Variants in INPP1 observed in about 807,000 individuals in gnomAD.
INPP1 encodes inositol polyphosphate 1-phosphatase.
Under a neutral mutation model 23.0 loss-of-function variants are expected in INPP1, and 18 were observed. The ratio of observed to expected loss-of-function variants is 0.78; its 90% CI spans 0.54 to 1.16. The LOEUF is 1.16. Among genes scored for constraint, INPP1 ranks in the 50% most tolerant of loss-of-function variants. The pLI is 0.00. For missense variants in INPP1, 448 were observed against 482.1 expected (o/e 0.93, Z 0.66); for synonymous variants, 164 against 176.3 (o/e 0.93, Z 0.55).
At chr2:190,348,562 C>A (rs1689267521) in intron 1 of INPP1, among the ~76,000 whole-genome samples, 1 of 152,202 alleles carries the variant, frequency 6.6e-6, no homozygotes, top group African/African-American at 2.4e-5. Flanking sequence ...CTCTTCCCAG[C>A]CCTAGTAACC....
chr2:190,363,988 G>A lies in INPP1; in HGVS notation c.265+1301G>A, dbSNP rs1453345489. Reference sequence around the variant, plus strand: ...CTCTCAGTGGGATGGGAGGTCTCTGGCAAATTTCAAGCAAAGGAGTGATAT... The same window carrying A: ...CTCTCAGTGGGATGGGAGGTCTCTGACAAATTTCAAGCAAAGGAGTGATAT... On this transcript the variant is annotated intron_variant, in intron 4 of 6. Coordinates refer to ENST00000392329, the MANE Select transcript of INPP1 (RefSeq NM_001128928.2). The surrounding 1 kb of genome is among the most constrained non-coding windows in gnomAD (Gnocchi z 4.4). Among the ~76,000 whole-genome samples the A allele has an allele frequency of 6.6e-6, 1 of 152,120 alleles. No homozygotes were observed. The highest frequency in any genetic ancestry group is 2.4e-5 in the African/African-American group (1 of 41,426).
Position 190,343,900 on chromosome 2 carries a change from G to A in INPP1, c.-270G>A. ...GCGCCTCCTCCTCCTCCTGCTCCCC[G>A]CCGCTTCCGTTTCTCGAGGGAAAGG... On this transcript the variant is annotated 5_prime_UTR_variant, in exon 1 of 7. Transcript: ENST00000392329. The A allele has an allele frequency of 1.1e-5, 2 of 174,392 alleles. No individual in the cohort carries two copies. Among genetic ancestry groups the A allele is most frequent in the Non-Finnish European group, 1.3e-5 (1 of 78,158 alleles). The allele number at this position is 174,392 out of a possible 1,614,324, so 10.8% of individuals were successfully genotyped here.
In INPP1 at chr2:190,354,182, C is replaced by T. The variant is rs571469508; in HGVS notation, c.-65+5151C>T. Among the ~76,000 whole-genome samples, 1 of 152,244 alleles carries T rather than the reference C, an allele frequency of 6.6e-6. No individual in the cohort carries two copies. Among genetic ancestry groups the T allele is most frequent in the Non-Finnish European group, 1.5e-5 (1 of 68,016 alleles). The stretch of plus-strand genomic sequence containing the variant: ...AATATTAATTACTTGGCTGTTAAAG[C>T]GAATAGCTTTTAGTGGGAACGACTG... On this transcript the variant is annotated intron_variant, in intron 2 of 6. Coordinates refer to ENST00000392329, the MANE Select transcript of INPP1 (RefSeq NM_001128928.2). The surrounding 1 kb of genome is among the most constrained non-coding windows in gnomAD (Gnocchi z 4.8).
In INPP1 at chr2:190,355,834, A is replaced by C. The variant is rs898109530; in HGVS notation, c.-64-4205A>C. On this transcript the variant is annotated intron_variant, in intron 2 of 6. Transcript: ENST00000392329. This position sits in a 1 kb window ranked among gnomAD's most constrained non-coding sequence, Gnocchi z 5.1. ...CACGCAGTTATCAAGCCTAGTACCC[A>C]TTAGTGATGAAAGAATCTGTACAAC... Among the ~76,000 whole-genome samples the C allele has an allele frequency of 1.3e-5, 2 of 152,198 alleles. No individual in the cohort carries two copies. The highest frequency in any genetic ancestry group is 2.9e-5 in the Non-Finnish European group (2 of 68,030).
chr2:190,366,173 G>GTC (rs201019304), intron 4 of INPP1, among the ~76,000 whole-genome samples: 91,385 of 139,230 alleles, frequency 0.66, 29,465 homozygotes, highest in East Asian at 0.77. Context: ...CTCGCTCTTT[G>GTC]TCTCTTGCTC....
At chr2:190,348,286 A>G (rs1689261998) in intron 1 of INPP1, among the ~76,000 whole-genome samples, 1 of 152,200 alleles carries the variant, frequency 6.6e-6, no homozygotes, top group Non-Finnish European at 1.5e-5. Context: ...AATATTTATT[A>G]TGCCCTTATT....
Position 190,371,365 on chromosome 2 carries a change from T to A in INPP1, c.1163T>A (p.Leu388Gln). 1 of 1,538,548 alleles carries A rather than the reference T, an allele frequency of 6.5e-7. No individual in the cohort carries two copies. The highest frequency in any genetic ancestry group is 1.3e-5 in the South Asian group (1 of 77,934). ...RKRLETFLSL[L>Q]VQNLAPAETH... is the part of the protein sequence containing the mutation. ...CGGCTGGAGACATTCCTGAGCCTCC[T>A]GGTCCAAAACCTGGCACCTGCAGAG... The change falls in exon 7 of 7, where the codon CTG becomes CAG. Residue 388 changes from leucine (L) to glutamine (Q), a missense_variant. Transcript: ENST00000392329. The surrounding 1 kb of genome is among the most constrained non-coding windows in gnomAD (Gnocchi z 5.3).
chr2:190,367,015 A>G lies in INPP1; in HGVS notation c.466+120A>G. ...TAGTTTAACTCTGCTAGAAGTTTTT[A>G]AAATTTTAAAGTTTTAAAACAATGA... On this transcript the variant is annotated intron_variant, in intron 5 of 6. Coordinates refer to ENST00000392329, the MANE Select transcript of INPP1 (RefSeq NM_001128928.2). The surrounding 1 kb of genome is among the most constrained non-coding windows in gnomAD (Gnocchi z 4.1). 1 of 654,816 alleles carries G rather than the reference A, an allele frequency of 1.5e-6. No individual in the cohort carries two copies. Among genetic ancestry groups the G allele is most frequent in the Admixed American group, 2.9e-5 (1 of 34,902 alleles). The allele number at this position is 654,816 out of a possible 1,614,324, so 40.6% of individuals were successfully genotyped here.
In INPP1 at chr2:190,357,306, A is replaced by G. The variant is rs1200280440; in HGVS notation, c.-64-2733A>G. Among the ~76,000 whole-genome samples, 3 of 152,232 alleles carry G rather than the reference A, an allele frequency of 2.0e-5. No individual in the cohort carries two copies. The East Asian group carries it at 5.8e-4, about 29-fold the overall frequency. Reference sequence around the variant, plus strand: ...TTAAAAATGTAATTTATTATTATAAAAGCACTGTATATTTCCTGTAGAGTA... The same window carrying G: ...TTAAAAATGTAATTTATTATTATAAGAGCACTGTATATTTCCTGTAGAGTA... On this transcript the variant is annotated intron_variant, in intron 2 of 6. Coordinates refer to ENST00000392329, the MANE Select transcript of INPP1 (RefSeq NM_001128928.2).
Position 190,346,136 on chromosome 2 carries a change from T to C in INPP1, c.-209+2175T>C, listed in dbSNP as rs76928748. Among the ~76,000 whole-genome samples, 6,980 of 152,248 alleles carry C rather than the reference T, an allele frequency of 0.046. 246 individuals carry two copies. Among genetic ancestry groups the C allele is most frequent in the African/African-American group, 0.057 (2,374 of 41,544 alleles). On this transcript the variant is annotated intron_variant, in intron 1 of 6. Transcript: ENST00000392329. This position sits in a 1 kb window ranked among gnomAD's most constrained non-coding sequence, Gnocchi z 5.1. ...GGCAAGTCGGGGAGTGGGTAGAGTATAATAGTGGTTTAAAAGATTCCCAGA... is the reference window on the plus strand; with the variant it reads ...GGCAAGTCGGGGAGTGGGTAGAGTACAATAGTGGTTTAAAAGATTCCCAGA...
At chr2:190,361,074 A>G (rs1689524622) in intron 3 of INPP1, among the ~76,000 whole-genome samples, 2 of 152,330 alleles carry the variant, frequency 1.3e-5, no homozygotes, top group East Asian at 1.9e-4. Context: ...CGTTAAATAT[A>G]TTAACTTATT....
chr2:190,360,512 G>C (rs2067406), intron 3 of INPP1, among the ~76,000 whole-genome samples: 64,415 of 151,898 alleles, frequency 0.42, 16,145 homozygotes, highest in African/African-American at 0.7. Context: ...TACAGAAAAT[G>C]AAATAAGAAA....
chr2:190,349,894 G>T (rs570780216), intron 2 of INPP1, among the ~76,000 whole-genome samples: 1 of 152,352 alleles, frequency 6.6e-6, no homozygotes, highest in East Asian at 1.9e-4. Flanking sequence ...ACCTAGGCTG[G>T]AGTGCAGTGG....
intron 2 of INPP1, among the ~76,000 whole-genome samples, chr2:190,359,069 G>GCCT (rs1454318671): frequency 3.9e-5 from 6 of 152,164 alleles, no homozygotes; most frequent in Non-Finnish European, 8.8e-5. Flanking sequence ...GGAGGCCGAG[G>GCCT]TAGGAGGATC....
In INPP1 at chr2:190,368,344, G is replaced by A. The variant is rs574489681; in HGVS notation, c.467-759G>A. Among the ~76,000 whole-genome samples, 23 of 152,226 alleles carry A rather than the reference G, an allele frequency of 1.5e-4. No homozygotes were observed. In the South Asian group the frequency reaches 4.1e-3, roughly 27 times the overall value. On this transcript the variant is annotated intron_variant, in intron 5 of 6. Coordinates refer to ENST00000392329, the MANE Select transcript of INPP1 (RefSeq NM_001128928.2). This position sits in a 1 kb window ranked among gnomAD's most constrained non-coding sequence, Gnocchi z 4.3. ...TCTGCCTCTGTTTCATAGGAGCTCC[G>A]TTAATTTCTTTTTTTGGTGCCACCA... is the stretch of plus-strand genomic sequence containing the variant.
intron 2 of INPP1, among the ~76,000 whole-genome samples, chr2:190,359,091 A>G (rs1689481593): frequency 6.6e-6 from 1 of 152,042 alleles, no homozygotes. Context: ...CTTGAGCGCA[A>G]GAGTTTGAGA....
chr2:190,343,631 G>C lies in INPP1; in HGVS notation c.-539G>C, dbSNP rs1376606387. 1 of 152,158 alleles carries C rather than the reference G, an allele frequency of 6.6e-6. No individual in the cohort carries two copies. Among genetic ancestry groups the C allele is most frequent in the Non-Finnish European group, 1.5e-5 (1 of 68,028 alleles). 9.4% of individuals were successfully genotyped at this position (152,158 alleles called of 1,614,324 possible). A position where few individuals can be genotyped will look rare whatever the true frequency, so the allele number is the denominator to read the frequency against. On this transcript the variant is annotated 5_prime_UTR_variant, in exon 1 of 7. Transcript: ENST00000392329. ...CGCCCGGCTCGGGCAGGCGTGGGGGGCCCGCGCGTCCCGGGAGCCCCGAGG... is the reference window on the plus strand; with the variant it reads ...CGCCCGGCTCGGGCAGGCGTGGGGGCCCCGCGCGTCCCGGGAGCCCCGAGG...
In INPP1 at chr2:190,363,113, T is replaced by C. The variant is rs62182026; in HGVS notation, c.265+426T>C. ...TGGACCTTGGCTAAAAGTACAGAGGTGGCCATGGTTCTGAAATACTGTGTG... is the reference window on the plus strand; with the variant it reads ...TGGACCTTGGCTAAAAGTACAGAGGCGGCCATGGTTCTGAAATACTGTGTG... On this transcript the variant is annotated intron_variant, in intron 4 of 6. Coordinates refer to ENST00000392329, the MANE Select transcript of INPP1 (RefSeq NM_001128928.2). This position sits in a 1 kb window ranked among gnomAD's most constrained non-coding sequence, Gnocchi z 4.4. The C allele has an allele frequency of 0.041, 6,283 of 154,058 alleles. 191 individuals carry two copies. Among genetic ancestry groups the C allele is most frequent in the Non-Finnish European group, 0.067 (4,677 of 69,390 alleles). 9.5% of individuals were successfully genotyped at this position (154,058 alleles called of 1,614,324 possible).
Position 190,360,259 on chromosome 2 carries a change from G to A in INPP1, c.157G>A (p.Ala53Thr). Residue 53 changes from alanine to threonine, a missense_variant, in exon 3 of 7, where the codon GCT becomes ACT. Transcript: ENST00000392329. Reference sequence around the variant, plus strand: ...GTTTGCAGTTGACTTCAAGACGCTGGCTGATGTACTGGTACAGGAAGTTAT... The same window carrying A: ...GTTTGCAGTTGACTTCAAGACGCTGACTGATGTACTGGTACAGGAAGTTAT... ...KKFAVDFKTL[A>T]DVLVQEVIKQ... is the part of the protein sequence containing the mutation. The A allele has an allele frequency of 6.2e-7, 1 of 1,614,204 alleles. No homozygotes were observed. The highest frequency in any genetic ancestry group is 1.3e-5 in the African/African-American group (1 of 75,058).
Sources: gnomAD v4.1 joint callset for allele counts (sites outside exome capture counted in the v4.1 genomes callset) on GRCh38, gnomAD v4.1.1 for gene constraint, Gnocchi (gnomAD v3.1) non-coding constraint, MANE v1.5 for transcripts, NCBI Gene and HGNC (gene_info 2026-07-23, HGNC 2026-07-21) for gene names.